Variants in TULP4 observed in about 807,000 individuals in gnomAD.
The protein encoded by TULP4 is TUB like protein 4, also known as tubby-related protein 4.
Under a neutral mutation model 129.0 loss-of-function variants are expected in TULP4, and 16 were observed. The ratio of observed to expected loss-of-function variants is 0.12; its 90% confidence interval spans 0.08 to 0.19. TULP4 has a LOEUF of 0.19. Among genes scored for constraint, TULP4 ranks in the 10% least tolerant of loss-of-function variants. The pLI is 1.00. For missense variants in TULP4, 1,842 were observed against 2,059.1 expected (o/e 0.89, Z 2.04); for synonymous variants, 998 against 854.0 (o/e 1.17, Z -2.94).
chr6:158,312,096 T>C (rs2128482345), upstream of TULP4: 1 of 398,412 alleles, frequency 2.5e-6, no homozygotes, highest in South Asian at 1.3e-4. Context: ...ATCTGATGGT[T>C]CCTGAAATGA....
chr6:158,436,948 T>G (rs375302583), intron 3 of TULP4, among the ~76,000 whole-genome samples: 1 of 152,218 alleles, frequency 6.6e-6, no homozygotes, highest in East Asian at 1.9e-4. Context: ...AAGTCCCTTC[T>G]CATCTGCTAA....
intron 6 of TULP4, among the ~76,000 whole-genome samples, chr6:158,462,674 G>C (rs574830979): frequency 6.7e-6 from 1 of 149,296 alleles, no homozygotes; most frequent in South Asian, 2.1e-4. Flanking sequence ...TGCCCAGCCA[G>C]ATTTTCTTTG....
chr6:158,504,234 T>A (rs1780544971), intron 13 of TULP4, 56 bp downstream of exon 13: 2 of 1,398,506 alleles, frequency 1.4e-6, no homozygotes, highest in Non-Finnish European at 1.9e-6. Context: ...TTTCAGTGCT[T>A]CGGCCTTCAA....
chr6:158,503,386 C>T lies in TULP4; in HGVS notation c.3723C>T (p.Pro1241=), dbSNP rs766052529. Reference sequence around the variant, plus strand: ...CCAGCCTCTCCTATTGCACCCTGCCCCCCATGTACCCAGGAAGCAGCACGT... The same window carrying T: ...CCAGCCTCTCCTATTGCACCCTGCCTCCCATGTACCCAGGAAGCAGCACGT... ...YPPSLSYCTL[P]PMYPGSSTCS... Residue 1241 remains proline (P), a synonymous_variant, in exon 13 of 14, where the codon CCC becomes CCT. Transcript: ENST00000367097. The surrounding 1 kb of genome is among the most constrained non-coding windows in gnomAD (Gnocchi z 4.3). 4.8e-5 allele frequency: 78 copies of T among 1,613,784 alleles called. 1 individual carries two copies. Among genetic ancestry groups the T allele is most frequent in the Admixed American group, 6.7e-5 (4 of 60,002 alleles).
chr6:158,308,855 C>G (rs1346696867), upstream of TULP4, among the ~76,000 whole-genome samples: 1 of 141,972 alleles, frequency 7.0e-6, no homozygotes, highest in African/African-American at 2.6e-5. Context: ...CCCCTTACCT[C>G]CCGGACGGGG....
At position 158,313,388 on chromosome 6, in the gene TULP4, C is replaced by A. The variant is rs530280234; in HGVS notation, c.-629C>A. On this transcript the variant is annotated 5_prime_UTR_variant, in exon 1 of 14. Coordinates refer to ENST00000367097, the MANE Select transcript of TULP4 (RefSeq NM_020245.5). Reference sequence around the variant, plus strand: ...TGCACAAACTCTGGTCTGTTTTGCACGGTTTGTGTGCCTTTTTTTCCCTTT... The same window carrying A: ...TGCACAAACTCTGGTCTGTTTTGCAAGGTTTGTGTGCCTTTTTTTCCCTTT... The A allele has an allele frequency of 2.5e-6, 1 of 398,166 alleles. No homozygotes were observed. The highest frequency in any genetic ancestry group is 3.6e-5 in the East Asian group (1 of 28,052). The allele number at this position is 398,166 out of a possible 1,614,324, so 24.7% of individuals were successfully genotyped here.
chr6:158,309,220 G>A (rs1271799368), upstream of TULP4, among the ~76,000 whole-genome samples: 10 of 103,880 alleles, frequency 9.6e-5, 1 homozygote, highest in African/African-American at 3.1e-4. Flanking sequence ...CAGACGGGAC[G>A]GCCGGGCAGA....
chr6:158,322,549 A>G (rs539631720), intron 1 of TULP4, among the ~76,000 whole-genome samples: 2 of 152,320 alleles, frequency 1.3e-5, no homozygotes, highest in East Asian at 3.9e-4. Context: ...TTTGTACTTA[A>G]AGTAATATAC....
rs3085241 is a variant in TULP4 at position 158,368,066 on chromosome 6, CAAA to C, written c.253-44979_253-44977del. Among the ~76,000 whole-genome samples the C allele has an allele frequency of 1.4e-3, 92 of 65,018 alleles. 1 individual carries two copies. The highest frequency in any genetic ancestry group is 0.011 in the Middle Eastern group (1 of 88). 42.7% of individuals were successfully genotyped at this position (65,018 alleles called of 152,430 possible). A position where few individuals can be genotyped will look rare whatever the true frequency, so the allele number is the denominator to read the frequency against. On this transcript the variant is annotated intron_variant, in intron 1 of 13. Coordinates refer to ENST00000367097, the MANE Select transcript of TULP4 (RefSeq NM_020245.5). ...ACTCCAGCCTGGGTGACCCTGTCTC[CAAA>C]AAAAAAAAAAAAAAAAAAAGGAGCT... is the stretch of plus-strand genomic sequence containing the variant.
chr6:158,354,411 A>AT (rs1225454322), intron 1 of TULP4, among the ~76,000 whole-genome samples: 1 of 152,170 alleles, frequency 6.6e-6, no homozygotes, highest in Non-Finnish European at 1.5e-5. Context: ...ACAGGCTGGC[A>AT]TTTTCCATTA....
intron 1 of TULP4, among the ~76,000 whole-genome samples, chr6:158,328,501 C>T (rs4709193): frequency 0.86 from 130,995 of 152,122 alleles, 56,827 homozygotes; most frequent in South Asian, 0.93. Flanking sequence ...CGAGTTGTGG[C>T]TAACCCAGAG....
In TULP4 at chr6:158,362,371, A is replaced by T. The variant is rs545538149; in HGVS notation, c.252+48103A>T. ...AAGGATTTTTTTTTTTTCTTAACAG[A>T]TGAGGTCTCTCTCTGTTGCCCAGGC... is the stretch of plus-strand genomic sequence containing the variant. On this transcript the variant is annotated intron_variant, in intron 1 of 13. Coordinates refer to ENST00000367097, the MANE Select transcript of TULP4 (RefSeq NM_020245.5). Among the ~76,000 whole-genome samples the T allele has an allele frequency of 2.5e-3, 371 of 151,266 alleles. 2 individuals carry two copies. The highest frequency in any genetic ancestry group is 4.0e-3 in the South Asian group (19 of 4,796).
intron 1 of TULP4, among the ~76,000 whole-genome samples, chr6:158,332,214 TATA>T (rs1467481913): frequency 2.0e-4 from 25 of 123,620 alleles, no homozygotes; most frequent in African/African-American, 7.6e-4. Context: ...TATATATATA[TATA>T]TATATATATA....
chr6:158,376,450 CG>C (rs548630393), intron 1 of TULP4, among the ~76,000 whole-genome samples: 3 of 152,084 alleles, frequency 2.0e-5, no homozygotes, highest in African/African-American at 4.8e-5. Context: ...GGCATATGTC[CG>C]GGGGGAGAGA....
intron 1 of TULP4, among the ~76,000 whole-genome samples, chr6:158,343,808 ATAGT>A (rs1225383268): frequency 6.6e-6 from 1 of 152,258 alleles, no homozygotes; most frequent in Non-Finnish European, 1.5e-5. Flanking sequence ...ATTGGGACAA[ATAGT>A]TTGTCTTAAA....
intron 1 of TULP4, among the ~76,000 whole-genome samples, chr6:158,240,697 C>T (rs1450925719): frequency 2.7e-5 from 3 of 109,940 alleles, no homozygotes; most frequent in African/African-American, 8.8e-5. Flanking sequence ...AGGCGGGGGG[C>T]TGACCCCCCC....
At chr6:158,440,978 A>G (rs1778882268) in intron 3 of TULP4, among the ~76,000 whole-genome samples, 1 of 152,204 alleles carries the variant, frequency 6.6e-6, no homozygotes, top group Admixed American at 6.5e-5. Context: ...AGCACTCAGT[A>G]TTGATGAATT....
At chr6:158,433,108 G>C (rs916204708) in intron 3 of TULP4, among the ~76,000 whole-genome samples, 4 of 152,120 alleles carry the variant, frequency 2.6e-5, no homozygotes, top group African/African-American at 9.7e-5. Context: ...GCAGTTGGTT[G>C]TTCTGTCTCT....
intron 1 of TULP4, among the ~76,000 whole-genome samples, chr6:158,361,354 T>C (rs963138378): frequency 2.6e-5 from 4 of 152,212 alleles, no homozygotes; most frequent in Non-Finnish European, 5.9e-5. Flanking sequence ...AATTCTAGTT[T>C]TTAGCAAGTT....
Sources: allele counts gnomAD v4.1 joint callset (sites outside exome capture counted in the v4.1 genomes callset), GRCh38; gene constraint gnomAD v4.1.1; non-coding constraint Gnocchi (gnomAD v3.1); transcripts MANE v1.5; gene names NCBI Gene and HGNC (gene_info 2026-07-23, HGNC 2026-07-21).